Variants in KCNT2 observed in about 807,000 individuals in gnomAD.
KCNT2 encodes potassium channel subfamily T member 2.
Under a neutral mutation model 153.8 loss-of-function variants are expected in KCNT2, and 67 were observed. That is an observed-to-expected ratio of 0.44 (90% CI 0.36 to 0.53). KCNT2 has a LOEUF of 0.53. Among genes scored for constraint, KCNT2 ranks in the 20% least tolerant of loss-of-function variants. The probability of loss-of-function intolerance (pLI) is 0.00; values close to 1 mark genes in which losing one functional copy is unlikely to be tolerated. For missense variants in KCNT2, 975 were observed against 1,354.8 expected (o/e 0.72, Z 4.40); for synonymous variants, 500 against 458.8 (o/e 1.09, Z -1.15).
At chr1:196,570,187 A>T (rs1460259143) in intron 1 of KCNT2, among the ~76,000 whole-genome samples, 2 of 152,140 alleles carry the variant, frequency 1.3e-5, no homozygotes, top group Non-Finnish European at 2.9e-5. Flanking sequence ...AACCAAAAAC[A>T]GTAACAACAG....
At chr1:196,246,899 A>AATAC (rs1334532802) in intron 26 of KCNT2, among the ~76,000 whole-genome samples, 1 of 152,106 alleles carries the variant, frequency 6.6e-6, no homozygotes, top group African/African-American at 2.4e-5. Flanking sequence ...GCAAAAAACA[A>AATAC]ATAAATAAAT....
intron 1 of KCNT2, among the ~76,000 whole-genome samples, chr1:196,524,110 G>GA (rs35694634): frequency 0.98 from 149,661 of 152,240 alleles, 73,607 homozygotes; most frequent in Middle Eastern, 1. Context: ...AGCTTTATAT[G>GA]AAAATGTTGT....
intron 26 of KCNT2, among the ~76,000 whole-genome samples, chr1:196,240,349 G>T (rs1336589015): frequency 3.3e-5 from 5 of 151,854 alleles, no homozygotes; most frequent in Non-Finnish European, 7.4e-5. Context: ...CTCACAGGTT[G>T]TTGTTAGAAT....
intron 26 of KCNT2, among the ~76,000 whole-genome samples, chr1:196,237,170 C>T (rs1286368651): frequency 6.6e-6 from 1 of 151,516 alleles, no homozygotes; most frequent in Non-Finnish European, 1.5e-5. Context: ...TGTAGCTGAC[C>T]CTGATAAACA....
intron 21 of KCNT2, among the ~76,000 whole-genome samples, chr1:196,310,264 G>T (rs1183948066): frequency 6.6e-6 from 1 of 151,876 alleles, no homozygotes; most frequent in East Asian, 1.9e-4. Context: ...TACATTAATA[G>T]GAGGTATACA....
chr1:196,463,065 T>C (rs1310818577), intron 8 of KCNT2, among the ~76,000 whole-genome samples: 3 of 151,680 alleles, frequency 2.0e-5, no homozygotes, highest in Non-Finnish European at 4.4e-5. Context: ...AAACCATGTT[T>C]TGAAAAATGG....
chr1:196,285,645 A>C lies in KCNT2; in HGVS notation c.2697+12T>G, dbSNP rs747168085. 9 of 1,508,730 alleles carry C rather than the reference A, an allele frequency of 6.0e-6. No homozygotes were observed. The Admixed American group carries it at 1.6e-4, about 27-fold the overall frequency. The allele number at this position is 1,508,730 out of a possible 1,614,324, so 93.5% of individuals were successfully genotyped here. On this transcript the variant is annotated intron_variant, in intron 23 of 27. Transcript: ENST00000294725. ...AACCATTTTAGAGAAAATAAAAAGAAATATTGTATACCTGATACAGCAGAG... is the reference window on the plus strand; with the variant it reads ...AACCATTTTAGAGAAAATAAAAAGACATATTGTATACCTGATACAGCAGAG...
At chr1:196,324,718 T>A (rs2148062301) in intron 19 of KCNT2, among the ~76,000 whole-genome samples, 1 of 152,172 alleles carries the variant, frequency 6.6e-6, no homozygotes, top group South Asian at 2.1e-4. Context: ...TATTATCTGA[T>A]AAAAGCCACA....
At chr1:196,486,855 A>G (rs919711686) in intron 3 of KCNT2, among the ~76,000 whole-genome samples, 1 of 151,996 alleles carries the variant, frequency 6.6e-6, no homozygotes, top group Admixed American at 6.6e-5. Context: ...CAAGACGAAC[A>G]TAAAATATTT....
chr1:196,296,288 A>G (rs1660668525), intron 22 of KCNT2, among the ~76,000 whole-genome samples: 1 of 151,996 alleles, frequency 6.6e-6, no homozygotes, highest in Non-Finnish European at 1.5e-5. Context: ...AATTACAAAA[A>G]ATGAAATAGT....
chr1:196,462,782 C>A (rs924644443), intron 8 of KCNT2, among the ~76,000 whole-genome samples: 17 of 151,824 alleles, frequency 1.1e-4, no homozygotes, highest in African/African-American at 3.9e-4. Context: ...TTTTAAACAA[C>A]TAATGTACAT....
chr1:196,492,444 A>C (rs1216418076), intron 1 of KCNT2, 103 bp from the exon 2 acceptor site: 1 of 869,370 alleles, frequency 1.2e-6, no homozygotes, highest in Non-Finnish European at 1.5e-6. Context: ...TCTAACTTAA[A>C]GAATAATACA....
Position 196,429,605 on chromosome 1 carries a change from C to T in KCNT2, c.791G>A (p.Cys264Tyr). 6.2e-7 allele frequency: 1 copy of T among 1,612,046 alleles called. No homozygotes were observed. Among genetic ancestry groups the T allele is most frequent in the Non-Finnish European group, 8.5e-7 (1 of 1,179,062 alleles). ...SSKLFVVAMI[C>Y]VALVVLPIQF... ...TATGGGTAGAACCACAAGAGCAACA[C>T]AAATCATAGCAACTACAAAAAGCTT... The change falls in exon 9 of 28, where the codon TGT becomes TAT. Residue 264 changes from cysteine (C) to tyrosine (Y), a missense_variant. Transcript: ENST00000294725.
At chr1:196,587,313 G>C (rs912431823) in intron 1 of KCNT2, among the ~76,000 whole-genome samples, 13 of 152,066 alleles carry the variant, frequency 8.5e-5, no homozygotes, top group African/African-American at 2.9e-4. Flanking sequence ...TTGCAGATGA[G>C]AGCACTGACA....
chr1:196,389,117 A>G (rs1670252866), intron 13 of KCNT2, among the ~76,000 whole-genome samples: 1 of 151,730 alleles, frequency 6.6e-6, no homozygotes, highest in Non-Finnish European at 1.5e-5. Flanking sequence ...TTTCCCCTTT[A>G]ATGTATTAAT....
chr1:196,464,598 A>G (rs1677444389), intron 8 of KCNT2, among the ~76,000 whole-genome samples: 1 of 151,880 alleles, frequency 6.6e-6, no homozygotes, highest in South Asian at 2.1e-4. Flanking sequence ...ACAATTACAC[A>G]TATCTAAGAT....
At chr1:196,313,001 CTGGGAG>C (rs1054001272) in intron 21 of KCNT2, among the ~76,000 whole-genome samples, 3 of 151,408 alleles carry the variant, frequency 2.0e-5, no homozygotes, top group Non-Finnish European at 4.4e-5. Flanking sequence ...GGAGAGAAAA[CTGGGAG>C]TAGGAGGAAG....
intron 1 of KCNT2, among the ~76,000 whole-genome samples, chr1:196,544,702 T>C (rs889478476): frequency 6.6e-6 from 1 of 152,208 alleles, no homozygotes; most frequent in African/African-American, 2.4e-5. Context: ...TTTGGTATGA[T>C]TCCATATTCT....
chr1:196,279,973 G>A lies in KCNT2; in HGVS notation c.2910+887C>T, dbSNP rs975478894. On this transcript the variant is annotated intron_variant, in intron 25 of 27. Coordinates refer to ENST00000294725, the MANE Select transcript of KCNT2 (RefSeq NM_198503.5). ...TTACTGAAATGTATGTGTCTGATCT[G>A]AGCCTCAAAGTTGAGGTAATTTTGT... 5.3e-5 allele frequency among the ~76,000 whole-genome samples: 8 copies of A among 152,006 alleles called. No individual in the cohort carries two copies. In the East Asian group the frequency reaches 1.5e-3, roughly 29 times the overall value.
Sources: gnomAD v4.1 joint callset for allele counts (sites outside exome capture counted in the v4.1 genomes callset) on GRCh38, gnomAD v4.1.1 for gene constraint, MANE v1.5 for transcripts, NCBI Gene and HGNC (gene_info 2026-07-23, HGNC 2026-07-21) for gene names.